The following SYT1 variants were observed in gnomAD, a reference collection of about 807,000 sequenced individuals.
SYT1 encodes synaptotagmin 1, also known as synaptotagmin-1.
A neutral mutation model predicts 44.8 loss-of-function variants in SYT1; 8 were observed. The observed-to-expected ratio is 0.18, with a 90% CI of 0.10 to 0.32. The LOEUF (loss-of-function observed/expected upper bound fraction) is 0.32. SYT1 is among the 10% of genes least tolerant of loss of function. SYT1 has a pLI of 1.00. For missense variants in SYT1, 286 were observed against 509.3 expected, an observed-to-expected ratio of 0.56 and a Z score of 4.22; for synonymous variants, 154 against 188.8, an observed-to-expected ratio of 0.82 and a Z score of 1.51.
At chr12:79,401,566 G>A (rs921857391) in intron 9 of SYT1, among the ~76,000 whole-genome samples, 2 of 151,930 alleles carry the variant, frequency 1.3e-5, no homozygotes, top group Non-Finnish European at 2.9e-5. Flanking sequence ...ATGAATTTCT[G>A]TAGAAAGAAT....
At chr12:78,946,651 C>A (rs1283882810) in intron 1 of SYT1, among the ~76,000 whole-genome samples, 1 of 150,992 alleles carries the variant, frequency 6.6e-6, no homozygotes, top group Non-Finnish European at 1.5e-5. Flanking sequence ...CGTGCCACTG[C>A]ACTTCAGCCT....
intron 8 of SYT1, among the ~76,000 whole-genome samples, chr12:79,325,055 TTGG>T (rs1363441880): frequency 6.6e-6 from 1 of 152,210 alleles, no homozygotes; most frequent in Non-Finnish European, 1.5e-5. Context: ...TCTTTGGTAG[TTGG>T]TGAGTTTGCT....
intron 2 of SYT1, among the ~76,000 whole-genome samples, chr12:79,025,093 C>G (rs983088599): frequency 6.6e-6 from 1 of 151,598 alleles, no homozygotes; most frequent in African/African-American, 2.4e-5. Context: ...TTGTGAATAC[C>G]AAGTGTTGAT....
intron 2 of SYT1, among the ~76,000 whole-genome samples, chr12:78,980,995 C>T (rs992700050): frequency 1.3e-5 from 2 of 151,788 alleles, no homozygotes; most frequent in Non-Finnish European, 2.9e-5. Context: ...GTATGAGTGG[C>T]CAACAGCATT....
At position 79,208,652 on chromosome 12, in the gene SYT1, A is replaced by G. The variant is rs573080971; in HGVS notation, c.-17-8851A>G. On this transcript the variant is annotated intron_variant, in intron 3 of 10. Coordinates refer to ENST00000261205, the MANE Select transcript of SYT1 (RefSeq NM_005639.3). Reference sequence around the variant, plus strand: ...AGAGAGAAGACATATAGTAGGGGGAAAAGAGATATTTAAAGGGGATTCTTA... The same window carrying G: ...AGAGAGAAGACATATAGTAGGGGGAGAAGAGATATTTAAAGGGGATTCTTA... Among the ~76,000 whole-genome samples, 42 of 152,280 alleles carry G rather than the reference A, an allele frequency of 2.8e-4. 1 individual carries two copies. The South Asian group carries it at 7.9e-3, about 29-fold the overall frequency.
intron 9 of SYT1, among the ~76,000 whole-genome samples, chr12:79,407,787 A>G (rs1385941148): frequency 6.6e-6 from 1 of 152,106 alleles, no homozygotes; most frequent in African/African-American, 2.4e-5. Context: ...AGCAAAGAAC[A>G]TTATAGTTTT....
intron 2 of SYT1, among the ~76,000 whole-genome samples, chr12:79,044,713 A>G (rs1334920062): frequency 6.7e-6 from 1 of 150,042 alleles, no homozygotes; most frequent in Non-Finnish European, 1.5e-5. Context: ...TCTGCTTTTT[A>G]GAGTTTCCAG....
chr12:79,350,316 G>A (rs1168629171), intron 8 of SYT1, among the ~76,000 whole-genome samples: 2 of 146,616 alleles, frequency 1.4e-5, no homozygotes, highest in African/African-American at 2.5e-5. Flanking sequence ...GCAGTGGCGC[G>A]ATCTCGGCTC....
intron 3 of SYT1, among the ~76,000 whole-genome samples, chr12:79,207,479 T>C (rs1462551456): frequency 6.6e-6 from 1 of 152,116 alleles, no homozygotes; most frequent in East Asian, 1.9e-4. Flanking sequence ...ATCACCTAGG[T>C]ATTAAGTCCC....
chr12:78,980,706 AG>A (rs1869186675), intron 2 of SYT1, among the ~76,000 whole-genome samples: 1 of 152,238 alleles, frequency 6.6e-6, no homozygotes, highest in African/African-American at 2.4e-5. Context: ...TAGAAATTGA[AG>A]GGAAGAATCA....
chr12:79,265,438 A>G (rs1878073180), intron 4 of SYT1, among the ~76,000 whole-genome samples: 1 of 152,168 alleles, frequency 6.6e-6, no homozygotes, highest in South Asian at 2.1e-4. Context: ...TGGAGTAAAT[A>G]ATTTAAAATT....
At chr12:79,024,567 T>G (rs1872403969) in intron 2 of SYT1, among the ~76,000 whole-genome samples, 1 of 151,788 alleles carries the variant, frequency 6.6e-6, no homozygotes, top group Admixed American at 6.6e-5. Context: ...TCAACACTCA[T>G]TCATTCAACA....
intron 1 of SYT1, among the ~76,000 whole-genome samples, chr12:78,936,721 T>C (rs993980050): frequency 6.6e-6 from 1 of 152,124 alleles, no homozygotes; most frequent in Non-Finnish European, 1.5e-5. Context: ...ACTATTGCAG[T>C]AGGAAAGGAA....
intron 3 of SYT1, among the ~76,000 whole-genome samples, chr12:79,051,708 C>A (rs1764940229): frequency 6.6e-6 from 1 of 151,942 alleles, no homozygotes; most frequent in Non-Finnish European, 1.5e-5. Flanking sequence ...CAGCATACTT[C>A]CCAAGATTCT....
chr12:79,002,357 A>G (rs755470914), intron 2 of SYT1, among the ~76,000 whole-genome samples: 2 of 152,106 alleles, frequency 1.3e-5, no homozygotes, highest in Non-Finnish European at 2.9e-5. Flanking sequence ...TGAACAACTT[A>G]CTTGCTCTTA....
At position 78,877,024 on chromosome 12, in the gene SYT1, ATC is replaced by A. The variant is rs1374984560; in HGVS notation, c.-217+11919_-217+11920del. 7.7e-5 allele frequency among the ~76,000 whole-genome samples: 11 copies of A among 143,674 alleles called. No individual in the cohort carries two copies. In the East Asian group the frequency reaches 2.0e-3, roughly 27 times the overall value. The allele number at this position is 143,674 out of a possible 152,430, so 94.3% of individuals were successfully genotyped here. Reference sequence around the variant, plus strand: ...AGAATTTTGCGATGACATTTTTATCATCTCTGACTCTTCAGTACCTGAAAGAT... The same window carrying A: ...AGAATTTTGCGATGACATTTTTATCATCTGACTCTTCAGTACCTGAAAGAT... On this transcript the variant is annotated intron_variant, in intron 1 of 10. Coordinates refer to ENST00000261205, the MANE Select transcript of SYT1 (RefSeq NM_005639.3).
chr12:79,004,861 T>G (rs1375146541), intron 2 of SYT1, among the ~76,000 whole-genome samples: 1 of 152,034 alleles, frequency 6.6e-6, no homozygotes, highest in Non-Finnish European at 1.5e-5. Flanking sequence ...TATAGCTAAC[T>G]CTAAGATCCT....
intron 3 of SYT1, among the ~76,000 whole-genome samples, chr12:79,183,686 A>G (rs999402710): frequency 1.4e-4 from 21 of 151,826 alleles, no homozygotes; most frequent in African/African-American, 5.1e-4. Flanking sequence ...TTTCAAGCTA[A>G]TTTTTCTGGC....
At chr12:78,975,187 C>A (rs776532988) in intron 1 of SYT1, among the ~76,000 whole-genome samples, 4 of 148,902 alleles carry the variant, frequency 2.7e-5, no homozygotes, top group Non-Finnish European at 5.9e-5. Context: ...AGCCAGTTCT[C>A]CATGAGGTTC....
Sources: allele counts gnomAD v4.1 joint callset (sites outside exome capture counted in the v4.1 genomes callset), GRCh38; gene constraint gnomAD v4.1.1; transcripts MANE v1.5; gene names NCBI Gene and HGNC (gene_info 2026-07-23, HGNC 2026-07-21).